TNR: variants seen among roughly 807,000 people sequenced by gnomAD.
TNR encodes tenascin-R.
In TNR, 45 loss-of-function variants were observed where a neutral mutation model predicts 150.4. The observed-to-expected ratio is 0.30, with a 90% CI of 0.24 to 0.38. TNR has a LOEUF of 0.38. Ranked by LOEUF, TNR falls within the 10% of genes least tolerant of loss-of-function variation. The probability of loss-of-function intolerance (pLI) is 1.00; values close to 1 mark genes in which losing one functional copy is unlikely to be tolerated. For synonymous variants in TNR, 687 were observed against 678.4 expected (o/e 1.01, Z -0.20); for missense variants, 1,544 against 1,759.1 (o/e 0.88, Z 2.19).
At chr1:175,647,076 C>T (rs1664830592) in intron 1 of TNR, among the ~76,000 whole-genome samples, 1 of 152,236 alleles carries the variant, frequency 6.6e-6, no homozygotes, top group Admixed American at 6.5e-5. Flanking sequence ...GCACCACAGA[C>T]AAGCTTCACA....
chr1:175,376,731 G>A (rs1045147780), intron 9 of TNR, among the ~76,000 whole-genome samples: 14 of 151,994 alleles, frequency 9.2e-5, no homozygotes, highest in South Asian at 2.1e-4. Flanking sequence ...GCATCTCAGC[G>A]AGTACAAATA....
At chr1:175,588,442 T>G (rs557270300) in intron 1 of TNR, among the ~76,000 whole-genome samples, 1 of 152,368 alleles carries the variant, frequency 6.6e-6, no homozygotes, top group South Asian at 2.1e-4. Flanking sequence ...TTGGCACTCC[T>G]GAAAGCTGCA....
intron 2 of TNR, among the ~76,000 whole-genome samples, chr1:175,454,042 T>C (rs1361867615): frequency 6.6e-6 from 1 of 152,178 alleles, no homozygotes; most frequent in Non-Finnish European, 1.5e-5. Flanking sequence ...CCTAGTACTG[T>C]TGCAGCCACT....
chr1:175,611,396 A>G (rs1394606951), intron 1 of TNR, among the ~76,000 whole-genome samples: 1 of 151,908 alleles, frequency 6.6e-6, no homozygotes, highest in Non-Finnish European at 1.5e-5. Flanking sequence ...GCAGTGGTAT[A>G]ATCATGGCTC....
intron 1 of TNR, among the ~76,000 whole-genome samples, chr1:175,570,485 T>C (rs1661821816): frequency 6.6e-6 from 1 of 152,184 alleles, no homozygotes; most frequent in East Asian, 1.9e-4. Flanking sequence ...ATGGATTTTA[T>C]TACTTTAGTC....
At chr1:175,654,435 G>T (rs770192950) in intron 1 of TNR, among the ~76,000 whole-genome samples, 1 of 152,100 alleles carries the variant, frequency 6.6e-6, no homozygotes, top group Non-Finnish European at 1.5e-5. Context: ...GTTGCCCTTG[G>T]GTCCTGACTT....
At chr1:175,533,805 A>C (rs1458381426) in intron 1 of TNR, among the ~76,000 whole-genome samples, 1 of 152,144 alleles carries the variant, frequency 6.6e-6, no homozygotes, top group African/African-American at 2.4e-5. Flanking sequence ...TTTGAAATTG[A>C]GTGGTGCCTT....
At chr1:175,733,430 A>T (rs1667693144) in intron 1 of TNR, among the ~76,000 whole-genome samples, 2 of 152,296 alleles carry the variant, frequency 1.3e-5, no homozygotes, top group African/African-American at 4.8e-5. Flanking sequence ...CTGTTGGGTC[A>T]GAGTGAAGAC....
At chr1:175,690,110 G>A (rs761399863) in intron 1 of TNR, among the ~76,000 whole-genome samples, 2 of 152,194 alleles carry the variant, frequency 1.3e-5, no homozygotes, top group Non-Finnish European at 2.9e-5. Context: ...CATATAGGAA[G>A]AACCAGGCTT....
intron 1 of TNR, among the ~76,000 whole-genome samples, chr1:175,661,195 C>T (rs1391853901): frequency 6.6e-6 from 1 of 152,166 alleles, no homozygotes; most frequent in African/African-American, 2.4e-5. Context: ...AGATCACAGA[C>T]CCATGACCAA....
intron 1 of TNR, among the ~76,000 whole-genome samples, chr1:175,569,858 C>T (rs1275249556): frequency 6.6e-6 from 1 of 152,148 alleles, no homozygotes; most frequent in African/African-American, 2.4e-5. Flanking sequence ...AGGTCGTTTT[C>T]CAGGTTACCA....
At chr1:175,395,251 C>T (rs1432853291) in intron 5 of TNR, among the ~76,000 whole-genome samples, 1 of 152,126 alleles carries the variant, frequency 6.6e-6, no homozygotes, top group Non-Finnish European at 1.5e-5. Context: ...TCAATTCAGT[C>T]CTGGAGCTTC....
At chr1:175,649,539 C>A (rs948058852) in intron 1 of TNR, among the ~76,000 whole-genome samples, 1 of 152,066 alleles carries the variant, frequency 6.6e-6, no homozygotes, top group Non-Finnish European at 1.5e-5. Flanking sequence ...GCACAGTACT[C>A]GCACAGAGCC....
chr1:175,643,649 T>C (rs968556917), intron 1 of TNR, among the ~76,000 whole-genome samples: 2 of 152,202 alleles, frequency 1.3e-5, no homozygotes, highest in African/African-American at 4.8e-5. Context: ...CTGCAGAGCC[T>C]AGAGAACTTT....
At chr1:175,677,521 AC>A (rs1480965929) in intron 1 of TNR, among the ~76,000 whole-genome samples, 1 of 152,144 alleles carries the variant, frequency 6.6e-6, no homozygotes, top group Non-Finnish European at 1.5e-5. Flanking sequence ...CAAAGCAGAG[AC>A]CCTTTCACAA....
At chr1:175,736,110 C>A (rs952648252) in intron 1 of TNR, among the ~76,000 whole-genome samples, 1 of 152,222 alleles carries the variant, frequency 6.6e-6, no homozygotes, top group East Asian at 1.9e-4. Context: ...CACCCAGTCC[C>A]CAGGCCATAT....
chr1:175,557,109 A>G (rs1661191246), intron 1 of TNR, among the ~76,000 whole-genome samples: 1 of 152,208 alleles, frequency 6.6e-6, no homozygotes, highest in African/African-American at 2.4e-5. Flanking sequence ...GTCAGCAAGA[A>G]TCTGAGGCCT....
intron 2 of TNR, among the ~76,000 whole-genome samples, chr1:175,478,553 CTG>C (rs1428706975): frequency 2.6e-5 from 4 of 151,982 alleles, no homozygotes; most frequent in Non-Finnish European, 5.9e-5. Flanking sequence ...ATTTCTGTGT[CTG>C]TGAATGAATT....
intron 1 of TNR, among the ~76,000 whole-genome samples, chr1:175,538,287 A>T (rs1395757452): frequency 6.6e-6 from 1 of 152,200 alleles, no homozygotes; most frequent in East Asian, 1.9e-4. Context: ...CTTTTCGGCT[A>T]CAATGGTTTG....
Sources: gnomAD v4.1 joint callset for allele counts (sites outside exome capture counted in the v4.1 genomes callset) on GRCh38, gnomAD v4.1.1 for gene constraint, MANE v1.5 for transcripts, NCBI Gene and HGNC (gene_info 2026-07-23, HGNC 2026-07-21) for gene names.